The following DNAH12 variants were observed in gnomAD, a reference collection of about 807,000 sequenced individuals.
DNAH12 encodes axonemal beta dynein heavy chain 12.
DNAH12 carries 285 observed loss-of-function variants against 371.5 expected under a neutral mutation model. The observed-to-expected ratio is 0.77, with a 90% CI of 0.70 to 0.85. The LOEUF (loss-of-function observed/expected upper bound fraction) is 0.85, where lower values mean the gene tolerates loss of function less well. DNAH12 is among the 40% of genes least tolerant of loss of function. The pLI, the probability that DNAH12 is intolerant of heterozygous loss-of-function variation, is 0.00. For synonymous variants in DNAH12, 1,200 were observed against 1,213.0 expected (o/e 0.99, Z 0.22); for missense variants, 3,611 against 3,689.4 (o/e 0.98, Z 0.55).
At chr3:57,509,861 T>TAAAAAAAAAAAAAAAAAAAAAAAA (rs902155403) in intron 5 of DNAH12, among the ~76,000 whole-genome samples, 2 of 46,560 alleles carry the variant, frequency 4.3e-5, no homozygotes, top group African/African-American at 6.1e-5. Context: ...GACTCCATCA[T>TAAAAAAAAAAAAAAAAAAAAAAAA]AAAAAAAAAA....
At position 57,296,827 on chromosome 3, in the gene DNAH12, A is replaced by G. The variant is rs1220481852; in HGVS notation, c.11532+20T>C. 1 of 1,550,358 alleles carries G rather than the reference A, an allele frequency of 6.5e-7. No homozygotes were observed. On this transcript the variant is annotated intron_variant, in intron 71 of 73. Transcript: ENST00000495027. ...GACTTAATGTAATGATATACTGTTG[A>G]CTTTAAGGAGTTACTATACCTCAAA...
At chr3:57,297,312 A>G (rs1320384891) in intron 70 of DNAH12, 2 of 274,470 alleles carry the variant, frequency 7.3e-6, no homozygotes, top group Non-Finnish European at 1.4e-5. Flanking sequence ...CATCTTACAC[A>G]TTGTCTAATT....
intron 40 of DNAH12, among the ~76,000 whole-genome samples, chr3:57,406,698 A>G (rs972542047): frequency 3.2e-4 from 48 of 152,172 alleles, no homozygotes; most frequent in Non-Finnish European, 5.0e-4. Context: ...ACTACAATCA[A>G]CTTCAAAATA....
rs186783906 is a variant in DNAH12 at position 57,339,402 on chromosome 3, A to T, written c.9675-4462T>A. Among the ~76,000 whole-genome samples, 289 of 151,622 alleles carry T rather than the reference A, an allele frequency of 1.9e-3. 7 individuals carry two copies. Among genetic ancestry groups the T allele is most frequent in the Admixed American group, 0.016 (246 of 15,012 alleles). On this transcript the variant is annotated intron_variant, in intron 60 of 73. Transcript: ENST00000495027. ...TACTAAAAAAAAAAAAAAAAGAAAGAAAGTTGATCTCATGAGAAAGAGTAG... is the reference window on the plus strand; with the variant it reads ...TACTAAAAAAAAAAAAAAAAGAAAGTAAGTTGATCTCATGAGAAAGAGTAG...
Position 57,408,356 on chromosome 3 carries a change from G to A in DNAH12, c.6200C>T (p.Ala2067Val). 2 of 1,551,516 alleles carry A rather than the reference G, an allele frequency of 1.3e-6. No homozygotes were observed. The highest frequency in any genetic ancestry group is 2.4e-5 in the South Asian group (2 of 84,048). ...TMVRIFSSIV[A>V]FYLRTHEFPP... ...AAATTCATGAGTTCTAAGGTAGAAT[G>A]CTACAATAGATGAGAAGATTCGGAC... The change falls in exon 40 of 74, where the codon GCA becomes GTA. Residue 2067 changes from alanine to valine, a missense_variant. This residue lies in a region of DNAH12 where 2,266 missense variants were observed against 2,236.9 expected (regional missense o/e 1.01). Coordinates refer to ENST00000495027, the MANE Select transcript of DNAH12 (RefSeq NM_001366028.2).
intron 55 of DNAH12, among the ~76,000 whole-genome samples, chr3:57,372,263 C>T (rs2063190807): frequency 1.3e-5 from 2 of 151,898 alleles, no homozygotes; most frequent in Non-Finnish European, 1.5e-5. Context: ...ACAACTATTA[C>T]ATATTAATTG....
intron 4 of DNAH12, among the ~76,000 whole-genome samples, chr3:57,520,505 C>A (rs192791339): frequency 6.7e-6 from 1 of 150,302 alleles, no homozygotes; most frequent in African/African-American, 2.4e-5. Flanking sequence ...TGAAGTGGCA[C>A]CATCTCGGCT....
intron 2 of DNAH12, among the ~76,000 whole-genome samples, chr3:57,539,615 CTT>C (rs11359818): frequency 2.7e-4 from 35 of 128,780 alleles, no homozygotes; most frequent in Non-Finnish European, 3.3e-4. Context: ...TTTCCTTTTC[CTT>C]TTTTTTTTTT....
At chr3:57,416,883 CCT>C (rs1361678285) in intron 37 of DNAH12, among the ~76,000 whole-genome samples, 1 of 151,846 alleles carries the variant, frequency 6.6e-6, no homozygotes, top group African/African-American at 2.4e-5. Flanking sequence ...CTGGAGAATC[CCT>C]GTTTGAGAAA....
chr3:57,310,895 C>A lies in DNAH12; in HGVS notation c.10718G>T (p.Gly3573Val). The A allele has an allele frequency of 1.3e-6, 2 of 1,551,508 alleles. No individual in the cohort carries two copies. Among genetic ancestry groups the A allele is most frequent in the South Asian group, 1.2e-5 (1 of 84,058 alleles). Residue 3573 changes from glycine to valine, a missense_variant, in exon 67 of 74, where the codon GGG becomes GTG. By Grantham distance (109) the Gly-to-Val change is moderately radical (BLOSUM62 -3). Coordinates refer to ENST00000495027, the MANE Select transcript of DNAH12 (RefSeq NM_001366028.2). ...CACTCTTCCTCCATAATTACACTCCCCAGTCAGGTAAGATATAGCTTCAAA... is the reference window on the plus strand; with the variant it reads ...CACTCTTCCTCCATAATTACACTCCACAGTCAGGTAAGATATAGCTTCAAA... Reference protein sequence around the residue: ...IPFEAISYLTGECNYGGRVTD... With the variant: ...IPFEAISYLTVECNYGGRVTD...
intron 13 of DNAH12, 121 bp from the exon 14 acceptor site, chr3:57,472,792 C>T: frequency 9.3e-7 from 1 of 1,072,884 alleles, no homozygotes; most frequent in Non-Finnish European, 1.3e-6. Flanking sequence ...AGATTATTAA[C>T]TGATATTTTA....
At chr3:57,302,535 A>G (rs1310860356) in intron 69 of DNAH12, among the ~76,000 whole-genome samples, 4 of 38,842 alleles carry the variant, frequency 1.0e-4, no homozygotes, top group South Asian at 1.2e-3. Context: ...AGGTGTATAT[A>G]TATATATATA....
chr3:57,513,788 T>C (rs2068085638), intron 4 of DNAH12, among the ~76,000 whole-genome samples: 1 of 152,192 alleles, frequency 6.6e-6, no homozygotes, highest in African/African-American at 2.4e-5. Context: ...AAAATTTTTT[T>C]TTAAATATGA....
intron 17 of DNAH12, among the ~76,000 whole-genome samples, chr3:57,467,390 G>A (rs926936302): frequency 1.3e-5 from 2 of 152,150 alleles, no homozygotes; most frequent in East Asian, 3.9e-4. Flanking sequence ...CCAAAGTGCT[G>A]GAATTACAGG....
chr3:57,446,005 A>G, intron 27 of DNAH12, 26 bp downstream of exon 27: 2 of 1,165,512 alleles, frequency 1.7e-6, no homozygotes, highest in Non-Finnish European at 2.2e-6. Context: ...AAATAAATAA[A>G]TAAATAAATA....
chr3:57,409,140 A>AAAG (rs1220650191), intron 39 of DNAH12, among the ~76,000 whole-genome samples: 1 of 152,188 alleles, frequency 6.6e-6, no homozygotes, highest in African/African-American at 2.4e-5. Flanking sequence ...ATGAAATTTC[A>AAAG]AAGAAGTTTT....
chr3:57,296,808 A>T (rs760469862), intron 71 of DNAH12, 39 bp downstream of exon 71: 7 of 1,541,146 alleles, frequency 4.5e-6, no homozygotes. Context: ...ACATGACTTA[A>T]TGTAATGATA....
At chr3:57,427,498 C>T (rs2064814159) in intron 34 of DNAH12, among the ~76,000 whole-genome samples, 1 of 151,758 alleles carries the variant, frequency 6.6e-6, no homozygotes, top group Non-Finnish European at 1.5e-5. Context: ...ACCAGCCTGG[C>T]CAACATGGAG....
chr3:57,482,351 G>T (rs1241696192), intron 13 of DNAH12, among the ~76,000 whole-genome samples: 1 of 152,100 alleles, frequency 6.6e-6, no homozygotes, highest in African/African-American at 2.4e-5. Context: ...TCAAAGAAAT[G>T]CAAATCAAAA....
Sources: allele counts gnomAD v4.1 joint callset (sites outside exome capture counted in the v4.1 genomes callset), GRCh38; gene constraint gnomAD v4.1.1; regional missense constraint gnomAD v4.1.1; transcripts MANE v1.5; gene names NCBI Gene and HGNC (gene_info 2026-07-23, HGNC 2026-07-21).